The following CCDC181 variants were observed in gnomAD, a reference collection of about 807,000 sequenced individuals.
CCDC181 encodes coiled-coil domain-containing protein 181.
A neutral mutation model predicts 58.7 loss-of-function variants in CCDC181; 35 were observed. That is an observed-to-expected ratio of 0.60 (90% CI 0.46 to 0.79). The LOEUF is 0.79. CCDC181 is among the 30% of genes least tolerant of loss of function. CCDC181 has a pLI of 0.00. For missense variants in CCDC181, 517 were observed against 583.9 expected (o/e 0.89, Z 1.18); for synonymous variants, 183 against 197.5 (o/e 0.93, Z 0.62).
Position 169,418,741 on chromosome 1 carries a change from G to A in CCDC181, c.1215+272C>T, listed in dbSNP as rs1656325465. The A allele has an allele frequency of 3.0e-5, 14 of 459,616 alleles. No individual in the cohort carries two copies. The South Asian group carries it at 5.8e-4, about 19-fold the overall frequency. 28.5% of individuals were successfully genotyped at this position (459,616 alleles called of 1,614,324 possible). On this transcript the variant is annotated intron_variant, in intron 4 of 5. Transcript: ENST00000367806. ...GTGTGTGTGTATCTTTGCCCTGTTT[G>A]AATAACAAAGTTACACCTTGAAAAA...
intron 4 of CCDC181, 144 bp from the exon 5 acceptor site, chr1:169,397,535 C>A: frequency 1.5e-6 from 1 of 647,034 alleles, no homozygotes. Context: ...TTCCTAGTAT[C>A]CAAACCAAAT....
At chr1:169,440,345 A>C (rs1158006058) in intron 2 of CCDC181, among the ~76,000 whole-genome samples, 1 of 152,234 alleles carries the variant, frequency 6.6e-6, no homozygotes, top group South Asian at 2.1e-4. Flanking sequence ...GTAACTGCCC[A>C]GTAGGTTCAC....
At chr1:169,447,622 A>T (rs149379031) in intron 2 of CCDC181, among the ~76,000 whole-genome samples, 1 of 152,304 alleles carries the variant, frequency 6.6e-6, no homozygotes, top group Non-Finnish European at 1.5e-5. Context: ...TTACTTACTG[A>T]AAGGTGTTGA....
intron 2 of CCDC181, among the ~76,000 whole-genome samples, chr1:169,453,627 A>G (rs1657607197): frequency 6.6e-6 from 1 of 151,724 alleles, no homozygotes; most frequent in Non-Finnish European, 1.5e-5. Context: ...TATTGCCCCC[A>G]AGTTCACTTT....
chr1:169,443,550 CTAA>C (rs1397251745), intron 2 of CCDC181: 9 of 152,220 alleles, frequency 5.9e-5, no homozygotes, highest in African/African-American at 1.9e-4. Context: ...GCCTCATTGG[CTAA>C]TAATTACTCC....
chr1:169,448,023 A>G (rs1255374493), intron 2 of CCDC181, among the ~76,000 whole-genome samples: 5 of 152,104 alleles, frequency 3.3e-5, no homozygotes, highest in African/African-American at 9.7e-5. Flanking sequence ...AGAGTTTGCA[A>G]TATATATTTT....
At chr1:169,445,539 A>G (rs78277513) in intron 2 of CCDC181, among the ~76,000 whole-genome samples, 2 of 152,086 alleles carry the variant, frequency 1.3e-5, no homozygotes, top group Non-Finnish European at 2.9e-5. Flanking sequence ...GATTTGATTC[A>G]CTAATCTTGT....
upstream of CCDC181, among the ~76,000 whole-genome samples, chr1:169,429,990 G>C (rs982278600): frequency 6.6e-6 from 1 of 152,118 alleles, no homozygotes; most frequent in Non-Finnish European, 1.5e-5. Flanking sequence ...TATAAGGTGA[G>C]AGATGAGGAT....
chr1:169,453,423 T>C (rs1163499618), intron 2 of CCDC181, among the ~76,000 whole-genome samples: 1 of 152,112 alleles, frequency 6.6e-6, no homozygotes, highest in Non-Finnish European at 1.5e-5. Context: ...TTATGTAAGC[T>C]GCTAGATTTT....
intron 4 of CCDC181, among the ~76,000 whole-genome samples, chr1:169,399,995 A>C (rs1345824022): frequency 6.6e-6 from 1 of 152,174 alleles, no homozygotes; most frequent in Non-Finnish European, 1.5e-5. Flanking sequence ...GGGATGCTCC[A>C]AGAGTCTGTG....
At chr1:169,397,448 C>T (rs1459733529) in intron 4 of CCDC181, 57 bp from the exon 5 acceptor site, 9 of 1,451,374 alleles carry the variant, frequency 6.2e-6, no homozygotes, top group Non-Finnish European at 8.3e-6. Context: ...CATTTTGAAG[C>T]CCTGCTTATG....
intron 4 of CCDC181, among the ~76,000 whole-genome samples, chr1:169,398,821 T>G (rs1471755598): frequency 1.3e-5 from 2 of 151,058 alleles, no homozygotes; most frequent in African/African-American, 4.9e-5. Flanking sequence ...ATTGATTGAC[T>G]GATCTGTCTG....
At chr1:169,448,105 T>C (rs950334227) in intron 2 of CCDC181, among the ~76,000 whole-genome samples, 3 of 152,162 alleles carry the variant, frequency 2.0e-5, no homozygotes, top group Non-Finnish European at 2.9e-5. Flanking sequence ...TGCAGGTACC[T>C]AATAACAGAG....
At chr1:169,411,346 C>A (rs1655951974) in intron 4 of CCDC181, among the ~76,000 whole-genome samples, 1 of 151,924 alleles carries the variant, frequency 6.6e-6, no homozygotes, top group Non-Finnish European at 1.5e-5. Context: ...AGAAATAAGT[C>A]AAATCTCTGT....
chr1:169,432,850 T>A (rs1656956805), intron 2 of CCDC181, among the ~76,000 whole-genome samples: 1 of 152,104 alleles, frequency 6.6e-6, no homozygotes, highest in Non-Finnish European at 1.5e-5. Flanking sequence ...CTCAACTTAA[T>A]AAAAGGCATA....
At chr1:169,450,877 C>T (rs1341391685) in intron 2 of CCDC181, among the ~76,000 whole-genome samples, 1 of 152,110 alleles carries the variant, frequency 6.6e-6, no homozygotes, top group Non-Finnish European at 1.5e-5. Context: ...ATTTGCTTTT[C>T]CCGAATGACA....
upstream of CCDC181, chr1:169,427,584 C>G (rs1328061212): frequency 1.3e-5 from 2 of 152,258 alleles, no homozygotes; most frequent in Non-Finnish European, 2.9e-5. Flanking sequence ...AAGGGGACGA[C>G]TAAGGAATCC....
At chr1:169,440,744 C>G (rs1367545890) in intron 2 of CCDC181, among the ~76,000 whole-genome samples, 1 of 151,818 alleles carries the variant, frequency 6.6e-6, no homozygotes, top group Non-Finnish European at 1.5e-5. Flanking sequence ...TGGCAAAACC[C>G]CATCTCTACT....
intron 2 of CCDC181, among the ~76,000 whole-genome samples, chr1:169,449,453 A>G (rs906519423): frequency 6.6e-6 from 1 of 152,208 alleles, no homozygotes; most frequent in African/African-American, 2.4e-5. Flanking sequence ...TATATATGAA[A>G]GTTAGTTTAT....
Sources: allele counts gnomAD v4.1 joint callset (sites outside exome capture counted in the v4.1 genomes callset), GRCh38; gene constraint gnomAD v4.1.1; transcripts MANE v1.5; gene names NCBI Gene and HGNC (gene_info 2026-07-23, HGNC 2026-07-21).